Variants in ESCO2 observed in about 807,000 individuals in gnomAD.
ESCO2 encodes N-acetyltransferase ESCO2.
A neutral mutation model predicts 61.7 loss-of-function variants in ESCO2; 51 were observed. The observed-to-expected ratio is 0.83, with a 90% CI of 0.66 to 1.04. The LOEUF is 1.04. Among genes scored for constraint, ESCO2 ranks in the 50% least tolerant of loss-of-function variants. The probability of loss-of-function intolerance (pLI) is 0.00; values close to 1 mark genes in which losing one functional copy is unlikely to be tolerated. For synonymous variants in ESCO2, 230 were observed against 238.2 expected, an observed-to-expected ratio of 0.97 and a Z score of 0.32; for missense variants, 692 against 686.2, an observed-to-expected ratio of 1.01 and a Z score of -0.09.
At chr8:27,802,595 G>C (rs1485557601) in intron 10 of ESCO2, among the ~76,000 whole-genome samples, 1 of 76,830 alleles carries the variant, frequency 1.3e-5, no homozygotes, top group Non-Finnish European at 2.4e-5. Flanking sequence ...GCGACAAAGT[G>C]AGACTCTGTC....
chr8:27,784,218 C>T (rs1405642597), intron 5 of ESCO2, among the ~76,000 whole-genome samples, 161 bp downstream of exon 5: 2 of 151,882 alleles, frequency 1.3e-5, no homozygotes, highest in Non-Finnish European at 2.9e-5. Flanking sequence ...AAATCAGTCC[C>T]TCATAGAAAC....
chr8:27,811,298 C>T (rs951371700), downstream of ESCO2: 9 of 633,198 alleles, frequency 1.4e-5, no homozygotes, highest in African/African-American at 1.3e-4. Flanking sequence ...TACTTTCTAC[C>T]TTTCAGGTTG....
At chr8:27,791,297 C>G (rs1805169687) in intron 7 of ESCO2, among the ~76,000 whole-genome samples, 1 of 151,976 alleles carries the variant, frequency 6.6e-6, no homozygotes, top group South Asian at 2.1e-4. Flanking sequence ...CTCATTTTTT[C>G]CAATCAGTCA....
chr8:27,772,286 C>T (rs537819054), upstream of ESCO2, among the ~76,000 whole-genome samples: 8 of 152,346 alleles, frequency 5.3e-5, no homozygotes, highest in East Asian at 1.5e-3. Context: ...ACAAACATAG[C>T]AGTGGCATCG....
intron 9 of ESCO2, among the ~76,000 whole-genome samples, chr8:27,793,845 T>TA (rs1805236120): frequency 6.6e-6 from 1 of 152,180 alleles, no homozygotes; most frequent in Admixed American, 6.5e-5. Flanking sequence ...CTGCAGAACT[T>TA]ACTCATGCGA....
At chr8:27,796,458 G>T (rs868571636) in intron 9 of ESCO2, among the ~76,000 whole-genome samples, 1 of 151,858 alleles carries the variant, frequency 6.6e-6, no homozygotes, top group South Asian at 2.1e-4. Flanking sequence ...CTAACTTTGG[G>T]CTTTATTCTT....
chr8:27,819,190 A>G, the ESCO2 span, among the ~76,000 whole-genome samples: 23,952 of 152,166 alleles, frequency 0.16, 2,397 homozygotes, highest in East Asian at 0.37. Context: ...GTATCCTCAA[A>G]GAGGAACTTC....
chr8:27,776,952 A>C lies in ESCO2; in HGVS notation c.644A>C (p.Lys215Thr), dbSNP rs544598855. 5.6e-6 allele frequency: 9 copies of C among 1,613,278 alleles called. 1 individual carries two copies. The South Asian group carries it at 9.9e-5, about 18-fold the overall frequency. The change falls in exon 3 of 11, where the codon AAA becomes ACA. Residue 215 changes from lysine to threonine, a missense_variant. Lys to Thr is a moderately conservative substitution (Grantham distance 78). Transcript: ENST00000305188. ...LQGGAAFFVR[K>T]KSSLRKSSLE... is the part of the protein sequence containing the mutation. ...GGTGGAGCAGCATTTTTTGTTAGAAAAAAATCTTCTCTTAGAAAATCGTCC... is the reference window on the plus strand; with the variant it reads ...GGTGGAGCAGCATTTTTTGTTAGAACAAAATCTTCTCTTAGAAAATCGTCC...
chr8:27,790,215 A>T (rs1158891955), intron 7 of ESCO2, among the ~76,000 whole-genome samples: 1 of 152,136 alleles, frequency 6.6e-6, no homozygotes, highest in Non-Finnish European at 1.5e-5. Flanking sequence ...ACCATACGGG[A>T]TTTCTTTCTT....
intron 9 of ESCO2, among the ~76,000 whole-genome samples, chr8:27,794,910 T>C (rs890056679): frequency 2.0e-5 from 3 of 152,204 alleles, no homozygotes; most frequent in Admixed American, 1.3e-4. Flanking sequence ...TTATTTTATC[T>C]GTTTTGTTCC....
At chr8:27,810,947 T>C (rs763866978), downstream of ESCO2, 4 of 1,476,236 alleles carry the variant, frequency 2.7e-6, no homozygotes, top group African/African-American at 4.2e-5. Flanking sequence ...TGTTAGAAAT[T>C]GTATTCATAC....
intron 5 of ESCO2, among the ~76,000 whole-genome samples, chr8:27,785,274 C>T (rs1290042832): frequency 2.6e-5 from 4 of 152,230 alleles, no homozygotes; most frequent in South Asian, 4.1e-4. Flanking sequence ...CTAAACACCT[C>T]TTATTAGGCC....
In ESCO2 at chr8:27,792,665, T is replaced by C. The variant is rs1805203125; in HGVS notation, c.1354-3T>C. Reference sequence around the variant, plus strand: ...CACCTGTCTTGGTTTTTAAAATCATTAGGTAGAAGATGTCCAAGAACTTGT... The same window carrying C: ...CACCTGTCTTGGTTTTTAAAATCATCAGGTAGAAGATGTCCAAGAACTTGT... On this transcript the variant is annotated splice_region_variant and splice_polypyrimidine_tract_variant and intron_variant, in intron 8 of 10. Coordinates refer to ENST00000305188, the MANE Select transcript of ESCO2 (RefSeq NM_001017420.3). 20 of 1,612,064 alleles carry C rather than the reference T, an allele frequency of 1.2e-5. No individual in the cohort carries two copies. Among genetic ancestry groups the C allele is most frequent in the Non-Finnish European group, 1.7e-5 (20 of 1,179,534 alleles).
Position 27,799,634 on chromosome 8 carries a change from G to A in ESCO2, c.1591G>A (p.Ala531Thr), listed in dbSNP as rs1173926896. 1.2e-6 allele frequency: 2 copies of A among 1,613,778 alleles called. No homozygotes were observed. Among genetic ancestry groups the A allele is most frequent in the African/African-American group, 1.3e-5 (1 of 74,816 alleles). Reference sequence around the variant, plus strand: ...GCAATGTTCAGATGTACCAGAACCTGCAGTCTGTGGGATAAGTAGAATCTG... The same window carrying A: ...GCAATGTTCAGATGTACCAGAACCTACAGTCTGTGGGATAAGTAGAATCTG... ...AWQCSDVPEP[A>T]VCGISRIWVF... The change falls in exon 10 of 11, where the codon GCA becomes ACA. Residue 531 changes from alanine to threonine, a missense_variant. By Grantham distance (58) the Ala-to-Thr change is moderately conservative. Coordinates refer to ENST00000305188, the MANE Select transcript of ESCO2 (RefSeq NM_001017420.3).
At chr8:27,810,674 G>GTCTTGGATT (rs1805660403), downstream of ESCO2, among the ~76,000 whole-genome samples, 2 of 152,132 alleles carry the variant, frequency 1.3e-5, 1 homozygote, top group South Asian at 4.2e-4. Flanking sequence ...ATTTGCTTTA[G>GTCTTGGATT]TCTTGGATTT....
upstream of ESCO2, chr8:27,772,380 G>T: frequency 1.2e-6 from 1 of 836,306 alleles, no homozygotes; most frequent in Non-Finnish European, 2.0e-6. Context: ...CTGGGGGACC[G>T]AGAGGCCGCG....
At chr8:27,787,575 A>G (rs971129937) in intron 5 of ESCO2, among the ~76,000 whole-genome samples, 1 of 152,182 alleles carries the variant, frequency 6.6e-6, no homozygotes, top group Non-Finnish European at 1.5e-5. Context: ...TTTAAAGGGC[A>G]AAGTCAATTT....
downstream of ESCO2, among the ~76,000 whole-genome samples, chr8:27,813,785 C>A (rs1051724096): frequency 8.5e-5 from 13 of 152,184 alleles, no homozygotes; most frequent in Admixed American, 6.5e-4. Context: ...TACAACTTTT[C>A]CTTCCTGGAA....
At chr8:27,773,682 G>C (rs1804709814), upstream of ESCO2, 1 of 152,110 alleles carries the variant, frequency 6.6e-6, no homozygotes, top group Non-Finnish European at 1.5e-5. Flanking sequence ...AAATTGGAAT[G>C]ATACAGAGAA....
Sources: allele counts gnomAD v4.1 joint callset (sites outside exome capture counted in the v4.1 genomes callset), GRCh38; gene constraint gnomAD v4.1.1; transcripts MANE v1.5; gene names NCBI Gene and HGNC (gene_info 2026-07-23, HGNC 2026-07-21).